The following DAGLB variants were observed in gnomAD, a reference collection of about 807,000 sequenced individuals.
DAGLB encodes the protein diacylglycerol lipase-beta.
In DAGLB, 66 loss-of-function variants were observed where a neutral mutation model predicts 72.1. That is an observed-to-expected ratio of 0.92 (90% CI 0.75 to 1.12). DAGLB has a LOEUF of 1.12. DAGLB is among the 50% of genes most tolerant of loss of function. The pLI, the probability that DAGLB is intolerant of heterozygous loss-of-function variation, is 0.00. For missense variants in DAGLB, 1,065 were observed against 884.9 expected, an observed-to-expected ratio of 1.20 and a Z score of -2.58; for synonymous variants, 414 against 359.5, an observed-to-expected ratio of 1.15 and a Z score of -1.71.
chr7:6,423,837 T>C (rs920939462), intron 8 of DAGLB, among the ~76,000 whole-genome samples: 1 of 151,960 alleles, frequency 6.6e-6, no homozygotes, highest in African/African-American at 2.4e-5. Context: ...TCCACCCACC[T>C]TGGCCTCCCA....
intron 2 of DAGLB, among the ~76,000 whole-genome samples, chr7:6,437,304 G>A (rs181228313): frequency 6.6e-6 from 1 of 152,192 alleles, no homozygotes; most frequent in African/African-American, 2.4e-5. Flanking sequence ...GTCCCTTTGA[G>A]ACCTACATTG....
chr7:6,441,891 G>A (rs1440285624), intron 2 of DAGLB, among the ~76,000 whole-genome samples: 2 of 151,918 alleles, frequency 1.3e-5, no homozygotes, highest in Admixed American at 1.3e-4. Context: ...TGACTCGAGC[G>A]ACTGAGTGCA....
At chr7:6,415,524 G>A (rs1451177972) in intron 11 of DAGLB, among the ~76,000 whole-genome samples, 1 of 150,824 alleles carries the variant, frequency 6.6e-6, no homozygotes, top group East Asian at 2.0e-4. Flanking sequence ...CAGTCAGTAT[G>A]CTGGAATCAG....
At chr7:6,434,401 A>G (rs1179343008) in intron 4 of DAGLB, among the ~76,000 whole-genome samples, 1 of 152,052 alleles carries the variant, frequency 6.6e-6, no homozygotes, top group African/African-American at 2.4e-5. Context: ...TCTGATTCCA[A>G]CCTCGATTCA....
intron 4 of DAGLB, among the ~76,000 whole-genome samples, chr7:6,433,756 C>G (rs1383346941): frequency 1.3e-5 from 2 of 151,772 alleles, no homozygotes; most frequent in African/African-American, 4.8e-5. Flanking sequence ...ACTCAGTACG[C>G]TGAGGCAGGA....
At position 6,415,627 on chromosome 7, in the gene DAGLB, GAA is replaced by G. The variant is rs572627001; in HGVS notation, c.1427+998_1427+999del. 8.4e-3 allele frequency among the ~76,000 whole-genome samples: 1,273 copies of G among 151,512 alleles called. 23 individuals carry two copies. Among genetic ancestry groups the G allele is most frequent in the African/African-American group, 0.03 (1,219 of 41,258 alleles). On this transcript the variant is annotated intron_variant, in intron 11 of 14. Coordinates refer to ENST00000297056, the MANE Select transcript of DAGLB (RefSeq NM_139179.4). The stretch of plus-strand genomic sequence containing the variant: ...GCCAAGGTGGCGGATCATGAGGTCA[GAA>G]GACAGGAGATCGAGACCATCCTGGC...
intron 2 of DAGLB, among the ~76,000 whole-genome samples, chr7:6,438,619 T>C (rs1471244272): frequency 1.3e-5 from 2 of 152,130 alleles, no homozygotes; most frequent in Admixed American, 6.6e-5. Flanking sequence ...AACAGACACA[T>C]CCTAATGTCA....
At position 6,409,769 on chromosome 7, in the gene DAGLB, G is replaced by T; in HGVS notation, c.*68C>A. On this transcript the variant is annotated 3_prime_UTR_variant, in exon 15 of 15. Coordinates refer to ENST00000297056, the MANE Select transcript of DAGLB (RefSeq NM_139179.4). ...GTTTTGGCGTCATGGGAACTCCTCG[G>T]ATGGTAAGTCAGTTTAAGGACAAAA... 6.5e-7 allele frequency: 1 copy of T among 1,541,390 alleles called. No homozygotes were observed. Among genetic ancestry groups the T allele is most frequent in the Non-Finnish European group, 8.8e-7 (1 of 1,136,500 alleles).
At chr7:6,424,941 A>G (rs1236400151) in intron 7 of DAGLB, 106 bp from the exon 8 acceptor site, 2 of 1,128,390 alleles carry the variant, frequency 1.8e-6, no homozygotes, top group East Asian at 4.8e-5. Context: ...GTCCTGCGGC[A>G]CAGAGAGGAG....
intron 7 of DAGLB, among the ~76,000 whole-genome samples, chr7:6,425,552 G>A (rs185688677): frequency 3.2e-4 from 49 of 152,174 alleles, no homozygotes; most frequent in African/African-American, 1.2e-3. Flanking sequence ...TTACAGGCGT[G>A]AGCCACTGTG....
At position 6,410,154 on chromosome 7, in the gene DAGLB, A is replaced by G. The variant is rs1783671289; in HGVS notation, c.1796T>C (p.Leu599Pro). The G allele has an allele frequency of 1.3e-6, 2 of 1,577,804 alleles. No individual in the cohort carries two copies. The highest frequency in any genetic ancestry group is 1.7e-6 in the Non-Finnish European group (2 of 1,158,838). ...PLYPPGRIIH[L>P]QEEGASGRFG... ...CCGCCCCGAGGCGCCCTCCTCCTGC[A>G]GGTGGATGATCCTGCCGGGAGGGTA... The change falls in exon 14 of 15, where the codon CTG (leucine) becomes CCG (proline). Residue 599 changes from leucine to proline, a missense_variant. Coordinates refer to ENST00000297056, the MANE Select transcript of DAGLB (RefSeq NM_139179.4).
At chr7:6,423,908 G>T (rs1476895191) in intron 8 of DAGLB, among the ~76,000 whole-genome samples, 4 of 152,112 alleles carry the variant, frequency 2.6e-5, no homozygotes, top group Admixed American at 2.6e-4. Flanking sequence ...CGATGGCAGA[G>T]CTGACGTGAA....
At chr7:6,414,108 T>A (rs985839791) in intron 11 of DAGLB, among the ~76,000 whole-genome samples, 2 of 152,044 alleles carry the variant, frequency 1.3e-5, no homozygotes, top group Non-Finnish European at 2.9e-5. Flanking sequence ...TCTCCCAGGT[T>A]CACGCCATTC....
chr7:6,410,076 G>A (rs920207493), intron 14 of DAGLB, 41 bp from the exon 15 acceptor site: 7 of 1,594,712 alleles, frequency 4.4e-6, no homozygotes, highest in Middle Eastern at 1.7e-4. Flanking sequence ...GCGGCCCCAG[G>A]GCTGACCCCG....
intron 11 of DAGLB, among the ~76,000 whole-genome samples, chr7:6,415,995 G>A (rs1006296845): frequency 5.9e-5 from 9 of 151,968 alleles, no homozygotes; most frequent in South Asian, 2.1e-4. Flanking sequence ...CCTACCAGGC[G>A]CATGGATGTC....
At chr7:6,437,832 G>A (rs1784712189) in intron 2 of DAGLB, among the ~76,000 whole-genome samples, 1 of 152,040 alleles carries the variant, frequency 6.6e-6, no homozygotes, top group Admixed American at 6.6e-5. Flanking sequence ...AGTAGAGACT[G>A]GGTTTCACCA....
intron 6 of DAGLB, among the ~76,000 whole-genome samples, chr7:6,428,159 A>G (rs1784369548): frequency 6.6e-6 from 1 of 152,034 alleles, no homozygotes; most frequent in Non-Finnish European, 1.5e-5. Flanking sequence ...AGCCTGGCCA[A>G]CACAGCGAAA....
At chr7:6,425,035 C>T (rs568223519) in intron 7 of DAGLB, among the ~76,000 whole-genome samples, 200 bp from the exon 8 acceptor site, 1 of 152,204 alleles carries the variant, frequency 6.6e-6, no homozygotes, top group South Asian at 2.1e-4. Context: ...TGCTGCTCTA[C>T]ATGAAAAAGG....
At chr7:6,424,118 GAGA>G (rs940195767) in intron 8 of DAGLB, among the ~76,000 whole-genome samples, 1 of 152,224 alleles carries the variant, frequency 6.6e-6, no homozygotes, top group African/African-American at 2.4e-5. Context: ...TGGGTCAGCA[GAGA>G]AGAACGGGAA....
Sources: gnomAD v4.1 joint callset for allele counts (sites outside exome capture counted in the v4.1 genomes callset) on GRCh38, gnomAD v4.1.1 for gene constraint, MANE v1.5 for transcripts, NCBI Gene and HGNC (gene_info 2026-07-23, HGNC 2026-07-21) for gene names.